Variants in AFDN observed in about 807,000 individuals in gnomAD.
AFDN encodes the protein afadin, adherens junction formation factor.
Under a neutral mutation model 216.6 loss-of-function variants are expected in AFDN, and 68 were observed. The ratio of observed to expected loss-of-function variants is 0.31; its 90% CI spans 0.26 to 0.38. The LOEUF (loss-of-function observed/expected upper bound fraction) is 0.38. Among genes scored for constraint, AFDN ranks in the 10% least tolerant of loss-of-function variants. The pLI is 1.00. For synonymous variants in AFDN, 868 were observed against 853.7 expected, an observed-to-expected ratio of 1.02 and a Z score of -0.29; for missense variants, 2,136 against 2,342.0, an observed-to-expected ratio of 0.91 and a Z score of 1.82.
At chr6:167,837,662 TG>T (rs1780599230) in intron 1 of AFDN, among the ~76,000 whole-genome samples, 1 of 152,218 alleles carries the variant, frequency 6.6e-6, no homozygotes, top group African/African-American at 2.4e-5. Flanking sequence ...TATGTCCTTT[TG>T]CTGTTCCCAT....
At chr6:167,875,526 C>T (rs746556551) in intron 5 of AFDN, 31 bp downstream of exon 5, 32 of 1,606,872 alleles carry the variant, frequency 2.0e-5, no homozygotes, top group Non-Finnish European at 2.6e-5. Context: ...TCTGTTCTAC[C>T]TGTTACAAAG....
intron 24 of AFDN, 75 bp downstream of exon 24, chr6:167,943,269 T>TA (rs544637247): frequency 1.6e-4 from 226 of 1,451,984 alleles, no homozygotes; most frequent in Non-Finnish European, 2.1e-4. Context: ...ATTCTGCTGA[T>TA]ACTTCTAGTT....
Position 167,893,899 on chromosome 6 carries a change from T to G in AFDN, c.1215T>G (p.Thr405=). The G allele has an allele frequency of 6.3e-7, 1 of 1,586,252 alleles. No individual in the cohort carries two copies. The highest frequency in any genetic ancestry group is 1.3e-5 in the African/African-American group (1 of 74,722). Residue 405 remains threonine, a synonymous_variant, in exon 9 of 34, where the codon ACT becomes ACG. Transcript: ENST00000683244. ...ACTTTGCCTACTACAACTATCACAC[T>G]TACGAAGGTAATGCTATGCTTACTA... is the stretch of plus-strand genomic sequence containing the variant. ...RNHFAYYNYH[T]YEDGSDSRDK... is the part of the protein sequence containing the mutation.
intron 29 of AFDN, among the ~76,000 whole-genome samples, chr6:167,949,217 G>A (rs1795684829): frequency 6.6e-6 from 1 of 152,184 alleles, no homozygotes; most frequent in East Asian, 1.9e-4. Context: ...AGAAATTAAA[G>A]GTATGCTTAA....
In AFDN at chr6:167,948,272, TTTG is replaced by T. The variant is rs754996869; in HGVS notation, c.3646-18_3646-16del. 5 of 1,583,454 alleles carry T rather than the reference TTTG, an allele frequency of 3.2e-6. No homozygotes were observed. The highest frequency in any genetic ancestry group is 1.9e-5 in the Admixed American group (1 of 53,010). On this transcript the variant is annotated intron_variant, in intron 28 of 33. Coordinates refer to ENST00000683244, the MANE Select transcript of AFDN (RefSeq NM_001386888.1). ...GTATGGTTGTAAAAAGCTCACTTTT[TTTG>T]TTCTTCACATTTTACAGGAGCAGAC... is the stretch of plus-strand genomic sequence containing the variant.
intron 1 of AFDN, among the ~76,000 whole-genome samples, chr6:167,844,877 T>C (rs1315394926): frequency 2.7e-5 from 4 of 148,840 alleles, no homozygotes; most frequent in African/African-American, 4.9e-5. Flanking sequence ...TTTTGGTTTT[T>C]GAGACAGGGT....
Position 167,911,173 on chromosome 6 carries a change from T to G in AFDN, c.1831+11T>G. ...AATTCAGGGAAAGTTGTGAGTAATT[T>G]CAGATTTCATTGTCAATGAATTATT... On this transcript the variant is annotated intron_variant, in intron 14 of 33. Coordinates refer to ENST00000683244, the MANE Select transcript of AFDN (RefSeq NM_001386888.1). 6.2e-7 allele frequency: 1 copy of G among 1,612,638 alleles called. No homozygotes were observed. The highest frequency in any genetic ancestry group is 8.5e-7 in the Non-Finnish European group (1 of 1,178,774).
chr6:167,962,555 C>T lies in AFDN; in HGVS notation c.4956C>T (p.Asp1652=), dbSNP rs764768550. The T allele has an allele frequency of 1.2e-5, 20 of 1,613,746 alleles. No individual in the cohort carries two copies. In the South Asian group the frequency reaches 1.3e-4, roughly 11 times the overall value. The change falls in exon 31 of 34, where the codon GAC becomes GAT. Residue 1652 remains aspartate (D), a synonymous_variant. Coordinates refer to ENST00000683244, the MANE Select transcript of AFDN (RefSeq NM_001386888.1). This position sits in a 1 kb window ranked among gnomAD's most constrained non-coding sequence, Gnocchi z 5.2. ...RRQEEERTKR[D]AEEKRRQEEG... ...AGGAGGAGGAGCGAACAAAACGAGA[C>T]GCTGAAGAAAAGGTTATGGTCCTTT...
intron 5 of AFDN, among the ~76,000 whole-genome samples, chr6:167,879,248 G>A (rs1583258288): frequency 6.6e-6 from 1 of 152,132 alleles, no homozygotes; most frequent in African/African-American, 2.4e-5. Flanking sequence ...GGACTAGTTG[G>A]TTTCTTAAAA....
intron 30 of AFDN, among the ~76,000 whole-genome samples, chr6:167,953,214 A>G (rs1056123994): frequency 2.3e-4 from 35 of 152,092 alleles, no homozygotes; most frequent in Admixed American, 1.7e-3. Flanking sequence ...TCTAATTTCA[A>G]CTGTTTTTTT....
At position 167,869,348 on chromosome 6, in the gene AFDN, T is replaced by TA. The variant is rs201904113; in HGVS notation, c.302-1029dup. 5.9e-3 allele frequency among the ~76,000 whole-genome samples: 901 copies of TA among 151,550 alleles called. 19 individuals are homozygous for TA. Among genetic ancestry groups the TA allele is most frequent in the African/African-American group, 0.021 (861 of 41,340 alleles). On this transcript the variant is annotated intron_variant, in intron 2 of 33. Coordinates refer to ENST00000683244, the MANE Select transcript of AFDN (RefSeq NM_001386888.1). ...CAGATGTTTCTGAAAGAGGCATTTCTAAAAAAAAACTAAAATTCTGCCAAA... is the reference window on the plus strand; with the variant it reads ...CAGATGTTTCTGAAAGAGGCATTTCTAAAAAAAAAACTAAAATTCTGCCAAA...
At chr6:167,944,124 C>T in intron 26 of AFDN, 65 bp downstream of exon 26, 2 of 1,260,154 alleles carry the variant, frequency 1.6e-6, no homozygotes, top group Admixed American at 3.5e-5. Flanking sequence ...TCACAAAACC[C>T]CCATGGAGGA....
chr6:167,827,423 CCCCTGCCGCGGTGTAT>C (rs1470687960), intron 1 of AFDN, among the ~76,000 whole-genome samples, 186 bp downstream of exon 1: 1 of 145,286 alleles, frequency 6.9e-6, no homozygotes, highest in African/African-American at 2.5e-5. Context: ...AGCCCCCGTC[CCCCTGCCGCGGTGTAT>C]CCCGGGGTCG....
intron 6 of AFDN, among the ~76,000 whole-genome samples, chr6:167,883,466 G>A (rs9364366): frequency 0.3 from 46,218 of 152,058 alleles, 8,075 homozygotes; most frequent in East Asian, 0.59. Flanking sequence ...GCTCTGCAAC[G>A]TCAGTTAAAT....
At chr6:167,954,724 C>G (rs965039646) in intron 30 of AFDN, among the ~76,000 whole-genome samples, 1 of 152,026 alleles carries the variant, frequency 6.6e-6, no homozygotes, top group Non-Finnish European at 1.5e-5. Flanking sequence ...TGGTTTTGAC[C>G]TTTTCTCGGT....
chr6:167,897,061 G>T, intron 10 of AFDN, 89 bp downstream of exon 10: 1 of 627,524 alleles, frequency 1.6e-6, no homozygotes, highest in East Asian at 3.0e-5. Flanking sequence ...ATGAAAGAAG[G>T]AATTATAATT....
chr6:167,896,958 G>A lies in AFDN; in HGVS notation c.1303G>A (p.Asp435Asn). ...VTEVGTEKLD[D>N]NSIQLFGPGI... is the part of the protein sequence containing the mutation. ...TGAAGTTGGGACAGAAAAGTTGGATGACAACTCTATCCAGGTACGTAGTCT... is the reference window on the plus strand; with the variant it reads ...TGAAGTTGGGACAGAAAAGTTGGATAACAACTCTATCCAGGTACGTAGTCT... The change falls in exon 10 of 34, where the codon GAC becomes AAC. Residue 435 changes from aspartate to asparagine, a missense_variant. Physicochemically the swap from Asp to Asn is conservative, Grantham distance 23. Coordinates refer to ENST00000683244, the MANE Select transcript of AFDN (RefSeq NM_001386888.1). 1 of 1,608,710 alleles carries A rather than the reference G, an allele frequency of 6.2e-7. No homozygotes were observed.
intron 26 of AFDN, among the ~76,000 whole-genome samples, chr6:167,945,570 G>A (rs1017333159): frequency 1.3e-5 from 2 of 152,102 alleles, no homozygotes; most frequent in East Asian, 1.9e-4. Context: ...AGTCTGGCAC[G>A]ACCACAAACA....
chr6:167,943,233 C>G (rs1343759213), intron 24 of AFDN, 39 bp downstream of exon 24: 3 of 1,567,174 alleles, frequency 1.9e-6, no homozygotes, highest in Non-Finnish European at 1.8e-6. Flanking sequence ...TTCAGTGTGT[C>G]ATATATTCAG....
Sources: allele counts gnomAD v4.1 joint callset (sites outside exome capture counted in the v4.1 genomes callset), GRCh38; gene constraint gnomAD v4.1.1; non-coding constraint Gnocchi (gnomAD v3.1); transcripts MANE v1.5; gene names NCBI Gene and HGNC (gene_info 2026-07-23, HGNC 2026-07-21).